Variants in UGT1A10 observed in about 807,000 individuals in gnomAD.
UGT1A10 encodes the protein UDP glucuronosyltransferase family 1 member A10, also known as UDP-glucuronosyltransferase 1A10.
In UGT1A10, 49 loss-of-function variants were observed where a neutral mutation model predicts 45.8. That is an observed-to-expected ratio of 1.07 (90% CI 0.85 to 1.36). The LOEUF (loss-of-function observed/expected upper bound fraction) is 1.36. Ranked by LOEUF, UGT1A10 falls within the 40% of genes most tolerant of loss-of-function variation. UGT1A10 has a pLI of 0.00. For missense variants in UGT1A10, 745 were observed against 668.6 expected (o/e 1.11, Z -1.26); for synonymous variants, 284 against 249.7 (o/e 1.14, Z -1.29).
Position 233,773,068 on chromosome 2 carries a change from G to C in UGT1A10, c.*509G>C, listed in dbSNP as rs1488458773. Reference sequence around the variant, plus strand: ...TGTACCTTTAGAGTGTAGGTGAAATGAATGAATGGCTTGGAGTGCACTGAG... The same window carrying C: ...TGTACCTTTAGAGTGTAGGTGAAATCAATGAATGGCTTGGAGTGCACTGAG... On this transcript the variant is annotated 3_prime_UTR_variant, in exon 5 of 5. Coordinates refer to ENST00000344644, the MANE Select transcript of UGT1A10 (RefSeq NM_019075.4). 5.8e-6 allele frequency: 1 copy of C among 171,412 alleles called. No homozygotes were observed. Among genetic ancestry groups the C allele is most frequent in the Non-Finnish European group, 1.3e-5 (1 of 78,258 alleles). The allele number at this position is 171,412 out of a possible 1,614,324, so 10.6% of individuals were successfully genotyped here. A position where few individuals can be genotyped will look rare whatever the true frequency, so the allele number is the denominator to read the frequency against.
At chr2:233,657,040 T>C (rs968138558) in intron 1 of UGT1A10, among the ~76,000 whole-genome samples, 2 of 152,148 alleles carry the variant, frequency 1.3e-5, no homozygotes, top group South Asian at 2.1e-4. Flanking sequence ...TGTCAGTTAC[T>C]GCTGCTTCCC....
chr2:233,742,208 G>A (rs1691908549), intron 1 of UGT1A10, among the ~76,000 whole-genome samples: 1 of 152,036 alleles, frequency 6.6e-6, no homozygotes, highest in South Asian at 2.1e-4. Flanking sequence ...GGGACTCACA[G>A]CCTTCAGGGC....
chr2:233,756,919 A>G (rs1444597051), intron 1 of UGT1A10, among the ~76,000 whole-genome samples: 2 of 152,130 alleles, frequency 1.3e-5, no homozygotes. Flanking sequence ...CTGAGTTTAT[A>G]TAACCTCTAG....
chr2:233,653,575 T>A (rs1215383979), intron 1 of UGT1A10, among the ~76,000 whole-genome samples: 1 of 152,194 alleles, frequency 6.6e-6, no homozygotes, highest in Non-Finnish European at 1.5e-5. Context: ...TTGCTTAAAG[T>A]GCCCAAGTCT....
intron 1 of UGT1A10, among the ~76,000 whole-genome samples, chr2:233,699,110 A>C (rs1295776189): frequency 1.3e-5 from 2 of 152,202 alleles, no homozygotes; most frequent in East Asian, 1.9e-4. Flanking sequence ...CACCTGCCCC[A>C]AAACAGTTCT....
chr2:233,690,725 T>C (rs2075005021), intron 1 of UGT1A10: 4 of 1,213,038 alleles, frequency 3.3e-6, no homozygotes, highest in Non-Finnish European at 4.2e-6. Context: ...CGAACAGACA[T>C]GCCAGATTCC....
intron 1 of UGT1A10, among the ~76,000 whole-genome samples, chr2:233,710,566 G>C (rs1422927830): frequency 6.6e-6 from 1 of 152,066 alleles, no homozygotes; most frequent in Admixed American, 6.5e-5. Flanking sequence ...CTTTTAAAAG[G>C]TGCCCTTTCA....
chr2:233,772,537 C>A lies in UGT1A10; in HGVS notation c.1571C>A (p.Ala524Asp). Residue 524 changes from alanine (A) to aspartate (D), a missense_variant, in exon 5 of 5, where the codon GCC becomes GAC. By Grantham distance (126) the Ala-to-Asp change is moderately radical (BLOSUM62 -2). Coordinates refer to ENST00000344644, the MANE Select transcript of UGT1A10 (RefSeq NM_019075.4). ...CLGKKGRVKK[A>D]HKSKTH ...GGGAAAAAAGGGCGAGTTAAGAAAG[C>A]CCACAAATCCAAGACCCATTGAGAA... 1.9e-6 allele frequency: 3 copies of A among 1,614,090 alleles called. No homozygotes were observed. Among genetic ancestry groups the A allele is most frequent in the Non-Finnish European group, 2.5e-6 (3 of 1,180,000 alleles).
At chr2:233,746,289 G>C (rs1163006960) in intron 1 of UGT1A10, among the ~76,000 whole-genome samples, 3 of 151,692 alleles carry the variant, frequency 2.0e-5, no homozygotes, top group Admixed American at 2.0e-4. Context: ...AAGGAAGGTG[G>C]CTTTGTTTCC....
chr2:233,636,870 T>C lies in UGT1A10; in HGVS notation c.348T>C (p.Phe116=). 6.2e-7 allele frequency: 1 copy of C among 1,614,128 alleles called. No homozygotes were observed. Among genetic ancestry groups the C allele is most frequent in the Non-Finnish European group, 8.5e-7 (1 of 1,180,012 alleles). ...FSLLMSSSSG[F]LDLFFSHCRS... Reference sequence around the variant, plus strand: ...TATTAATGAGTTCATCCAGTGGTTTTCTTGACTTATTTTTTTCGCATTGCA... The same window carrying C: ...TATTAATGAGTTCATCCAGTGGTTTCCTTGACTTATTTTTTTCGCATTGCA... The change falls in exon 1 of 5, where the codon TTT becomes TTC. Residue 116 remains phenylalanine (F), a synonymous_variant. Transcript: ENST00000344644.
intron 1 of UGT1A10, chr2:233,682,337 G>A (rs753738317): frequency 6.8e-6 from 11 of 1,613,990 alleles, no homozygotes; most frequent in Middle Eastern, 1.6e-4. Flanking sequence ...CCGAAAATTA[G>A]TAGAATACTT....
In UGT1A10 at chr2:233,650,668, C is replaced by T. The variant is rs1195160368; in HGVS notation, c.855+13291C>T. On this transcript the variant is annotated intron_variant, in intron 1 of 4. Transcript: ENST00000344644. ...TTTCACCATTCTTCCACTCATATCTCAGCATAAATTTTATGCTATTGCTTC... is the reference window on the plus strand; with the variant it reads ...TTTCACCATTCTTCCACTCATATCTTAGCATAAATTTTATGCTATTGCTTC... Among the ~76,000 whole-genome samples the T allele has an allele frequency of 3.3e-5, 5 of 152,186 alleles. No individual in the cohort carries two copies. In the South Asian group the frequency reaches 1.0e-3, roughly 31 times the overall value.
intron 1 of UGT1A10, among the ~76,000 whole-genome samples, chr2:233,675,188 G>A (rs917244448): frequency 6.6e-6 from 1 of 152,142 alleles, no homozygotes; most frequent in East Asian, 1.9e-4. Flanking sequence ...AACAAGGATG[G>A]CAGATGGCCC....
chr2:233,689,996 C>A, intron 1 of UGT1A10: 1 of 450,728 alleles, frequency 2.2e-6, no homozygotes, highest in Non-Finnish European at 4.4e-6. Flanking sequence ...GGGATTCTCA[C>A]TTCATCTCAC....
chr2:233,746,887 A>T (rs765200684), intron 1 of UGT1A10, among the ~76,000 whole-genome samples: 2 of 151,818 alleles, frequency 1.3e-5, no homozygotes, highest in African/African-American at 2.4e-5. Flanking sequence ...ACAGAGAAGT[A>T]GGAGGCTGTG....
At chr2:233,766,592 C>T (rs1699195975) in intron 1 of UGT1A10, among the ~76,000 whole-genome samples, 1 of 152,146 alleles carries the variant, frequency 6.6e-6, no homozygotes, top group Admixed American at 6.5e-5. Flanking sequence ...GGAGCCCTCG[C>T]CAGGGACCAC....
intron 1 of UGT1A10, among the ~76,000 whole-genome samples, chr2:233,757,432 C>T (rs1207849155): frequency 1.3e-5 from 2 of 151,156 alleles, no homozygotes; most frequent in Non-Finnish European, 2.9e-5. Context: ...GAAGAAAAGT[C>T]ACTTCTATAC....
chr2:233,644,320 C>A (rs951588968), intron 1 of UGT1A10, among the ~76,000 whole-genome samples: 1 of 152,144 alleles, frequency 6.6e-6, no homozygotes, highest in African/African-American at 2.4e-5. Flanking sequence ...GTAATCCCAG[C>A]ACTTAGGGAG....
chr2:233,682,847 G>T, intron 1 of UGT1A10: 9 of 1,540,244 alleles, frequency 5.8e-6, no homozygotes, highest in Non-Finnish European at 7.8e-6. Flanking sequence ...GAAATTAAAA[G>T]ATTTCTTACA....
Sources: allele counts gnomAD v4.1 joint callset (sites outside exome capture counted in the v4.1 genomes callset), GRCh38; gene constraint gnomAD v4.1.1; transcripts MANE v1.5; gene names NCBI Gene and HGNC (gene_info 2026-07-23, HGNC 2026-07-21).